TMEM272: variants seen among roughly 807,000 people sequenced by gnomAD.
The protein encoded by TMEM272 is long intergenic non-protein coding RNA 282.
A neutral mutation model predicts 3.7 loss-of-function variants in TMEM272; 8 were observed. The ratio of observed to expected loss-of-function variants is 2.17; its 90% CI spans 1.27 to 3.91. The LOEUF (loss-of-function observed/expected upper bound fraction) is 3.91, where lower values mean the gene tolerates loss of function less well. Ranked by LOEUF, TMEM272 falls within the 30% of genes most tolerant of loss-of-function variation. The probability of loss-of-function intolerance (pLI) is 0.00; values close to 1 mark genes in which losing one functional copy is unlikely to be tolerated. For missense variants in TMEM272, 166 were observed against 91.5 expected (o/e 1.81, Z -3.32); for synonymous variants, 63 against 39.8 (o/e 1.58, Z -2.20).
intron 4 of TMEM272, among the ~76,000 whole-genome samples, chr13:51,819,889 A>G (rs1261610753): frequency 6.6e-6 from 1 of 152,108 alleles, no homozygotes; most frequent in Admixed American, 6.5e-5. Flanking sequence ...GACCCTCAGT[A>G]ACAAATACAT....
the TMEM272 span, chr13:51,865,487 C>T: frequency 1.1e-4 from 180 of 1,614,052 alleles, no homozygotes; most frequent in Non-Finnish European, 1.4e-4. Context: ...TCCCAGTATT[C>T]GCCAGAAGAA....
At chr13:51,846,854 TTTA>T (rs1353423364), upstream of TMEM272, among the ~76,000 whole-genome samples, 5 of 152,330 alleles carry the variant, frequency 3.3e-5, no homozygotes, top group Middle Eastern at 3.4e-3. Context: ...CTAAGGTTAC[TTTA>T]TTATTAAAGA....
At chr13:51,908,639 A>C in the TMEM272 span, 1 of 1,481,950 alleles carries the variant, frequency 6.7e-7, no homozygotes, top group South Asian at 1.1e-5. Flanking sequence ...CTTTGGTATC[A>C]TTTCCACTGG....
At chr13:51,885,065 C>T in the TMEM272 span, among the ~76,000 whole-genome samples, 6 of 152,164 alleles carry the variant, frequency 3.9e-5, no homozygotes, top group Non-Finnish European at 7.3e-5. Flanking sequence ...GTAATTCTAT[C>T]GTCTGGCCAC....
the TMEM272 span, among the ~76,000 whole-genome samples, chr13:51,877,905 G>T: frequency 6.6e-6 from 1 of 152,150 alleles, no homozygotes; most frequent in Non-Finnish European, 1.5e-5. Context: ...AATAGTCATT[G>T]CTATTTTCTT....
At chr13:51,863,709 A>ACACACACC in the TMEM272 span, among the ~76,000 whole-genome samples, 9 of 64,866 alleles carry the variant, frequency 1.4e-4, no homozygotes, top group African/African-American at 4.3e-4. Flanking sequence ...ACACACACAC[A>ACACACACC]CCAGCTATGT....
Position 51,838,532 on chromosome 13 carries a change from G to A in TMEM272, c.-2C>T, listed in dbSNP as rs1956235097. On this transcript the variant is annotated 5_prime_UTR_variant, in exon 2 of 5. Coordinates refer to ENST00000629372, the MANE Select transcript of TMEM272 (RefSeq NM_001351003.2). The stretch of plus-strand genomic sequence containing the variant: ...CGTTTTCTCCAGACCTCCTGGCATT[G>A]TTCTTGCTCGCTGACAAAGTTCTGA... The A allele has an allele frequency of 2.8e-6, 2 of 702,936 alleles. No homozygotes were observed. Among genetic ancestry groups the A allele is most frequent in the African/African-American group, 3.5e-5 (2 of 57,254 alleles). 43.5% of individuals were successfully genotyped at this position (702,936 alleles called of 1,614,324 possible).
At chr13:51,838,590 G>A (rs962168733) in intron 1 of TMEM272, 37 bp from the exon 2 acceptor site, 74 of 702,936 alleles carry the variant, frequency 1.1e-4, no homozygotes, top group Non-Finnish European at 3.1e-5. Context: ...AAGGATGGTG[G>A]AAGGATTTAC....
chr13:51,830,073 T>C (rs1330550139), intron 2 of TMEM272, among the ~76,000 whole-genome samples: 1 of 152,230 alleles, frequency 6.6e-6, no homozygotes, highest in African/African-American at 2.4e-5. Context: ...TTTGGTTCCT[T>C]TTCTGCAATT....
At chr13:51,932,255 G>C in the TMEM272 span, 1 of 152,206 alleles carries the variant, frequency 6.6e-6, no homozygotes, top group Non-Finnish European at 1.5e-5. Flanking sequence ...AGATTTTTCT[G>C]CTCCTCCTCC....
At chr13:51,891,563 G>A in the TMEM272 span, among the ~76,000 whole-genome samples, 716 of 152,322 alleles carry the variant, frequency 4.7e-3, 5 homozygotes, top group East Asian at 0.036. Flanking sequence ...CAGGCTGGGG[G>A]AGGTGGTGAG....
At chr13:51,929,634 C>T in the TMEM272 span, among the ~76,000 whole-genome samples, 3 of 152,218 alleles carry the variant, frequency 2.0e-5, no homozygotes, top group Non-Finnish European at 4.4e-5. Flanking sequence ...AAAGCACCAG[C>T]ATTCACCTTT....
At chr13:51,918,411 T>C in the TMEM272 span, among the ~76,000 whole-genome samples, 8 of 152,134 alleles carry the variant, frequency 5.3e-5, no homozygotes, top group Non-Finnish European at 1.2e-4. Context: ...TGGAAAGACA[T>C]GGCATCCGGG....
At chr13:51,908,071 C>T in the TMEM272 span, 8 of 371,402 alleles carry the variant, frequency 2.2e-5, no homozygotes, top group Non-Finnish European at 4.1e-5. Context: ...TTTAAATCAT[C>T]CTTATTTACA....
chr13:51,866,607 G>A, the TMEM272 span, among the ~76,000 whole-genome samples: 2 of 152,190 alleles, frequency 1.3e-5, no homozygotes, highest in African/African-American at 4.8e-5. Context: ...TAGGGCATGT[G>A]GAGGACACAG....
At chr13:51,905,955 T>C in the TMEM272 span, among the ~76,000 whole-genome samples, 1 of 152,124 alleles carries the variant, frequency 6.6e-6, no homozygotes, top group East Asian at 1.9e-4. Flanking sequence ...GCAGAACAAA[T>C]GACTCACCAG....
chr13:51,890,097 G>T, the TMEM272 span, among the ~76,000 whole-genome samples: 11 of 152,166 alleles, frequency 7.2e-5, no homozygotes, highest in Non-Finnish European at 1.5e-4. Context: ...AGCTCAGAGT[G>T]AGCTACAAAT....
At chr13:51,923,277 G>A in the TMEM272 span, among the ~76,000 whole-genome samples, 14 of 152,328 alleles carry the variant, frequency 9.2e-5, no homozygotes, top group Middle Eastern at 3.4e-3. Flanking sequence ...TCTGGGCTGC[G>A]ACTCAGTCCT....
At chr13:51,863,677 AC>A in the TMEM272 span, among the ~76,000 whole-genome samples, 16 of 41,098 alleles carry the variant, frequency 3.9e-4, 1 homozygote, top group Non-Finnish European at 1.3e-4. Flanking sequence ...ACACAGACAC[AC>A]ACACACACAC....
Sources: allele counts gnomAD v4.1 joint callset (sites outside exome capture counted in the v4.1 genomes callset), GRCh38; gene constraint gnomAD v4.1.1; transcripts MANE v1.5; gene names NCBI Gene and HGNC (gene_info 2026-07-23, HGNC 2026-07-21).